PRSS3: variants seen among roughly 807,000 people sequenced by gnomAD.
PRSS3 encodes the protein serine protease 3, also known as trypsin-3.
Under a neutral mutation model 20.8 loss-of-function variants are expected in PRSS3, and 14 were observed. The observed-to-expected ratio is 0.67, with a 90% CI of 0.44 to 1.05. PRSS3 has a LOEUF of 1.05. PRSS3 is among the 50% of genes least tolerant of loss of function. PRSS3 has a pLI of 0.00. For synonymous variants in PRSS3, 91 were observed against 117.6 expected (o/e 0.77, Z 1.46); for missense variants, 237 against 306.4 (o/e 0.77, Z 1.69).
chr9:33,775,700 GTTT>G (rs34447292), intron 1 of PRSS3, among the ~76,000 whole-genome samples: 2 of 128,666 alleles, frequency 1.6e-5, no homozygotes, highest in Admixed American at 8.2e-5. Flanking sequence ...TGGGCTTGAA[GTTT>G]TTTTTTTTTT....
rs2119033799 is a variant in PRSS3 at position 33,786,867 on chromosome 9, C to T, written c.-52-7879C>T. The T allele has an allele frequency of 6.0e-6, 4 of 666,636 alleles. No homozygotes were observed. In the East Asian group the frequency reaches 1.0e-4, roughly 17 times the overall value. The allele number at this position is 666,636 out of a possible 1,614,324, so 41.3% of individuals were successfully genotyped here. A position where few individuals can be genotyped will look rare whatever the true frequency, so the allele number is the denominator to read the frequency against. ...ACAGATCAAAGATCTAAGCAAGAAC[C>T]TCAGCTCCCTTCTACCCAGCTCCCC... On this transcript the variant is annotated intron_variant, in intron 1 of 5. Transcript: ENST00000342836.
rs1485416329 is a variant in PRSS3 at position 33,786,028 on chromosome 9, T to C, written c.-52-8718T>C. On this transcript the variant is annotated intron_variant, in intron 1 of 5. Transcript: ENST00000342836. ...CGGTGCATGCTGCAAGGCTTGTGCA[T>C]GAAGACTCATCCTGAGTGAAGAGCC... 7 of 248,680 alleles carry C rather than the reference T, an allele frequency of 2.8e-5. No homozygotes were observed. The East Asian group carries it at 5.7e-4, about 20-fold the overall frequency. 15.4% of individuals were successfully genotyped at this position (248,680 alleles called of 1,614,324 possible).
At chr9:33,774,635 G>A (rs887809226) in intron 1 of PRSS3, among the ~76,000 whole-genome samples, 1 of 152,110 alleles carries the variant, frequency 6.6e-6, no homozygotes, top group African/African-American at 2.4e-5. Flanking sequence ...ATATTGAAAG[G>A]GACCTGTGTT....
intron 1 of PRSS3, among the ~76,000 whole-genome samples, chr9:33,780,236 T>A (rs551847303): frequency 1.3e-5 from 2 of 152,204 alleles, no homozygotes; most frequent in East Asian, 1.9e-4. Context: ...AGAAAACTTA[T>A]ACGCCAGAAG....
At chr9:33,779,696 G>A (rs1237593244) in intron 1 of PRSS3, among the ~76,000 whole-genome samples, 3 of 151,614 alleles carry the variant, frequency 2.0e-5, no homozygotes, top group East Asian at 1.9e-4. Flanking sequence ...GTGAAACCCC[G>A]TCTCTACTAA....
At chr9:33,795,550 A>C, upstream of PRSS3, 1 of 1,613,744 alleles carries the variant, frequency 6.2e-7, no homozygotes, top group Non-Finnish European at 8.5e-7. Flanking sequence ...GCCTTCCACC[A>C]CCAGTCAGGC....
At chr9:33,775,435 C>A (rs1328949373) in intron 1 of PRSS3, among the ~76,000 whole-genome samples, 1 of 152,180 alleles carries the variant, frequency 6.6e-6, no homozygotes, top group Non-Finnish European at 1.5e-5. Flanking sequence ...TCCACAGCTT[C>A]GCTAGCTTGA....
chr9:33,773,474 G>T (rs1481871872), intron 1 of PRSS3, among the ~76,000 whole-genome samples: 4 of 152,192 alleles, frequency 2.6e-5, no homozygotes, highest in African/African-American at 9.7e-5. Context: ...CATCTATGGG[G>T]AAGACCTGAG....
At chr9:33,762,182 A>G (rs749910051) in intron 1 of PRSS3, 4 of 152,190 alleles carry the variant, frequency 2.6e-5, no homozygotes, top group African/African-American at 9.7e-5. Context: ...GTTCTTTTTC[A>G]TAGTAATTGT....
At chr9:33,793,064 T>G (rs60836126), upstream of PRSS3, among the ~76,000 whole-genome samples, 464 of 127,936 alleles carry the variant, frequency 3.6e-3, 2 homozygotes, top group African/African-American at 0.013. Context: ...GGTCATTCCT[T>G]TTTGAAGAAA....
chr9:33,752,141 C>G (rs1193223031), intron 1 of PRSS3, among the ~76,000 whole-genome samples: 1 of 152,072 alleles, frequency 6.6e-6, no homozygotes, highest in African/African-American at 2.4e-5. Flanking sequence ...AACAGTGCCC[C>G]CACTTACTTA....
At position 33,750,816 on chromosome 9, in the gene PRSS3, G is replaced by C. The variant is rs1822654715; in HGVS notation, c.-53+89G>C. 1 of 1,401,430 alleles carries C rather than the reference G, an allele frequency of 7.1e-7. No individual in the cohort carries two copies. Among genetic ancestry groups the C allele is most frequent in the Non-Finnish European group, 9.2e-7 (1 of 1,084,146 alleles). The allele number at this position is 1,401,430 out of a possible 1,614,324, so 86.8% of individuals were successfully genotyped here. A position where few individuals can be genotyped will look rare whatever the true frequency, so the allele number is the denominator to read the frequency against. ...CGCCAAGGAGCGGGGCTGTGATGGAGAGGGGGTTCCGACTCGCATGGGACC... is the reference window on the plus strand; with the variant it reads ...CGCCAAGGAGCGGGGCTGTGATGGACAGGGGGTTCCGACTCGCATGGGACC... On this transcript the variant is annotated intron_variant, in intron 1 of 5. Transcript: ENST00000342836. This position sits in a 1 kb window ranked among gnomAD's most constrained non-coding sequence, Gnocchi z 4.8.
rs774484646 is a variant in PRSS3 at position 33,795,612 on chromosome 9, T to TG, written c.40+1dup. 9.3e-6 allele frequency: 15 copies of TG among 1,613,980 alleles called. No individual in the cohort carries two copies. In the South Asian group the frequency reaches 1.5e-4, roughly 17 times the overall value. On this transcript the variant is annotated frameshift_variant and splice_region_variant, in exon 1 of 5. Coordinates refer to ENST00000379405, the MANE Select transcript of PRSS3 (RefSeq NM_002771.4). LOFTEE classifies it high-confidence loss of function. ...TGATCCTTGCCTTTGTGGGAGCTGCTGGCGAGTTTCATGACCTGCCTCAGG... is the reference window on the plus strand; with the variant it reads ...TGATCCTTGCCTTTGTGGGAGCTGCTGGGCGAGTTTCATGACCTGCCTCAGG...
At chr9:33,757,048 A>G (rs1432082646) in intron 1 of PRSS3, among the ~76,000 whole-genome samples, 6 of 152,252 alleles carry the variant, frequency 3.9e-5, no homozygotes, top group Non-Finnish European at 8.8e-5. Context: ...CTCTGTAGAA[A>G]GATCTCATTT....
upstream of PRSS3, among the ~76,000 whole-genome samples, chr9:33,791,624 C>A (rs1406687444): frequency 7.2e-5 from 11 of 152,190 alleles, no homozygotes; most frequent in Non-Finnish European, 1.6e-4. Flanking sequence ...TTCTCCTGCA[C>A]TCTGTCCTGG....
rs746081060 is a variant in PRSS3, at chr9:33,796,706, T to C, written c.104T>C (p.Leu35Pro). The change falls in exon 2 of 5, where the codon CTC becomes CCC. Residue 35 changes from leucine (L) to proline (P), a missense_variant. By Grantham distance (98) the Leu-to-Pro change is moderately conservative. Transcript: ENST00000379405. ...GGCTACACCTGTGAGGAGAATTCTC[T>C]CCCCTACCAGGTGTCCCTGAATTCT... ...VGGYTCEENSLPYQVSLNSGS... is the reference protein window; with the variant it reads ...VGGYTCEENSPPYQVSLNSGS... The C allele has an allele frequency of 1.2e-6, 2 of 1,613,808 alleles. No individual in the cohort carries two copies. The highest frequency in any genetic ancestry group is 2.7e-5 in the African/African-American group (2 of 74,926).
chr9:33,759,364 C>T (rs1361993216), intron 1 of PRSS3, among the ~76,000 whole-genome samples: 4 of 152,008 alleles, frequency 2.6e-5, no homozygotes, highest in Non-Finnish European at 5.9e-5. Context: ...CTAGAGGCCT[C>T]ACAGTGTTTA....
intron 3 of PRSS3, 112 bp from the exon 4 acceptor site, chr9:33,798,374 G>C (rs1353446816): frequency 2.0e-6 from 3 of 1,512,996 alleles, no homozygotes; most frequent in East Asian, 4.5e-5. Flanking sequence ...TTACGTTTTG[G>C]AGTCCTCTCC....
At chr9:33,792,791 A>AGT (rs1587396179), upstream of PRSS3, among the ~76,000 whole-genome samples, 1 of 152,278 alleles carries the variant, frequency 6.6e-6, no homozygotes, top group African/African-American at 2.4e-5. Context: ...CTGTATAGTA[A>AGT]CATGGTATAT....
Sources: gnomAD v4.1 joint callset for allele counts (sites outside exome capture counted in the v4.1 genomes callset) on GRCh38, gnomAD v4.1.1 for gene constraint, Gnocchi (gnomAD v3.1) non-coding constraint, MANE v1.5 for transcripts, NCBI Gene and HGNC (gene_info 2026-07-23, HGNC 2026-07-21) for gene names.